ENTHD1: variants seen among roughly 807,000 people sequenced by gnomAD.
ENTHD1 encodes ENTH domain containing 1.
In ENTHD1, 23 loss-of-function variants were observed where a neutral mutation model predicts 39.1. That is an observed-to-expected ratio of 0.59 (90% CI 0.42 to 0.83). ENTHD1 has a LOEUF of 0.83. Ranked by LOEUF, ENTHD1 falls within the 40% of genes least tolerant of loss-of-function variation. The pLI is 0.00. For missense variants in ENTHD1, 624 were observed against 705.4 expected (o/e 0.88, Z 1.31); for synonymous variants, 230 against 258.2 (o/e 0.89, Z 1.05).
intron 2 of ENTHD1, among the ~76,000 whole-genome samples, chr22:39,871,038 G>A (rs2066238015): frequency 1.3e-5 from 2 of 151,868 alleles, no homozygotes; most frequent in African/African-American, 4.8e-5. Flanking sequence ...AAGAAAATTA[G>A]CTAGTCATGG....
chr22:39,853,801 C>G (rs2066063411), intron 3 of ENTHD1, among the ~76,000 whole-genome samples: 1 of 152,176 alleles, frequency 6.6e-6, no homozygotes, highest in Non-Finnish European at 1.5e-5. Context: ...TCTTGAACTC[C>G]TGGCCTCAGG....
intron 5 of ENTHD1, among the ~76,000 whole-genome samples, chr22:39,817,604 T>C (rs893461372): frequency 4.6e-5 from 7 of 152,134 alleles, no homozygotes; most frequent in Non-Finnish European, 1.0e-4. Flanking sequence ...GGGGACTGTG[T>C]TGGGGTAAGG....
intron 3 of ENTHD1, among the ~76,000 whole-genome samples, chr22:39,855,132 C>T (rs1156652864): frequency 6.6e-6 from 1 of 152,208 alleles, no homozygotes; most frequent in Non-Finnish European, 1.5e-5. Flanking sequence ...CAATTTGTAT[C>T]TCCTTCATTT....
At chr22:39,795,115 CTTGATCATGGTATATTATCTTT>C (rs955391198) in intron 5 of ENTHD1, among the ~76,000 whole-genome samples, 4 of 152,110 alleles carry the variant, frequency 2.6e-5, no homozygotes, top group African/African-American at 7.2e-5. Context: ...ATAAATTCTA[CTTGATCATGGTATATTATCTTT>C]TTGATGTGCT....
chr22:39,795,409 C>CT lies in ENTHD1; in HGVS notation c.832+25583dup, dbSNP rs571737142. ...TCCTGGGCTTTTCTTTATTAGAAGG[C>CT]TTTTTTTTTTCTTTTTTCTTTTTTT... On this transcript the variant is annotated intron_variant, in intron 5 of 6. Coordinates refer to ENST00000325157, the MANE Select transcript of ENTHD1 (RefSeq NM_152512.4). Among the ~76,000 whole-genome samples the CT allele has an allele frequency of 4.1e-4, 60 of 147,168 alleles. No homozygotes were observed. In the South Asian group the frequency reaches 4.2e-3, roughly 10 times the overall value.
chr22:39,829,684 G>C lies in ENTHD1; in HGVS notation c.711+6156C>G, dbSNP rs577783885. On this transcript the variant is annotated intron_variant, in intron 4 of 6. Transcript: ENST00000325157. ...CAGGCGCCTATAGTACCAGCTACTT[G>C]GAGGGCTGAGGCAGGACAATCACTT... 3.3e-5 allele frequency among the ~76,000 whole-genome samples: 5 copies of C among 151,984 alleles called. 1 individual carries two copies. The East Asian group carries it at 9.7e-4, about 29-fold the overall frequency.
intron 6 of ENTHD1, among the ~76,000 whole-genome samples, chr22:39,763,492 G>A (rs1299795213): frequency 1.3e-5 from 2 of 152,144 alleles, no homozygotes; most frequent in Non-Finnish European, 2.9e-5. Context: ...ACTGCGGAAA[G>A]CCTACGCCTC....
intron 5 of ENTHD1, among the ~76,000 whole-genome samples, chr22:39,780,980 C>T (rs936673885): frequency 6.7e-5 from 10 of 148,704 alleles, no homozygotes; most frequent in African/African-American, 2.5e-4. Flanking sequence ...GCCTGGGCAA[C>T]AGAGCGAGAC....
At chr22:39,843,533 C>T (rs189140967) in intron 3 of ENTHD1, among the ~76,000 whole-genome samples, 10 of 151,780 alleles carry the variant, frequency 6.6e-5, no homozygotes, top group Admixed American at 2.6e-4. Flanking sequence ...GTGGGTGCAG[C>T]GCACCAGCGT....
chr22:39,813,843 G>A (rs1358291259), intron 5 of ENTHD1, among the ~76,000 whole-genome samples: 1 of 152,060 alleles, frequency 6.6e-6, no homozygotes, highest in Non-Finnish European at 1.5e-5. Flanking sequence ...GGGAAAACTG[G>A]TAAGAATTAA....
intron 3 of ENTHD1, among the ~76,000 whole-genome samples, chr22:39,838,639 C>A (rs1341230334): frequency 6.6e-6 from 1 of 151,976 alleles, no homozygotes; most frequent in Non-Finnish European, 1.5e-5. Context: ...CCATATATTT[C>A]TAATAAAATT....
Position 39,779,757 on chromosome 22 carries a change from CACAT to C in ENTHD1, c.833-14152_833-14149del, listed in dbSNP as rs546846984. Reference sequence around the variant, plus strand: ...GGGTAATATAAAATATGTAAATTGACACATACAAAAGTCAAAATGTGGAGGGGAT... The same window carrying C: ...GGGTAATATAAAATATGTAAATTGACACAAAAGTCAAAATGTGGAGGGGAT... On this transcript the variant is annotated intron_variant, in intron 5 of 6. Transcript: ENST00000325157. Among the ~76,000 whole-genome samples, 552 of 152,212 alleles carry C rather than the reference CACAT, an allele frequency of 3.6e-3. 5 individuals carry two copies. Among genetic ancestry groups the C allele is most frequent in the African/African-American group, 0.012 (486 of 41,538 alleles).
chr22:39,879,297 C>A (rs1189680339), intron 2 of ENTHD1, among the ~76,000 whole-genome samples: 1 of 150,958 alleles, frequency 6.6e-6, no homozygotes, highest in East Asian at 1.9e-4. Context: ...CCCATCTCTA[C>A]TAAAAAATAA....
intron 3 of ENTHD1, among the ~76,000 whole-genome samples, chr22:39,857,059 C>T (rs1029924021): frequency 3.9e-5 from 6 of 152,070 alleles, no homozygotes; most frequent in Non-Finnish European, 7.3e-5. Context: ...AAAGTGGATT[C>T]ACTTTTTTAA....
intron 3 of ENTHD1, among the ~76,000 whole-genome samples, chr22:39,839,012 G>A (rs1268693360): frequency 6.6e-6 from 1 of 151,958 alleles, no homozygotes; most frequent in Non-Finnish European, 1.5e-5. Flanking sequence ...TTAAAAGATG[G>A]ATATAACTTA....
At chr22:39,851,534 G>A (rs1324721196) in intron 3 of ENTHD1, among the ~76,000 whole-genome samples, 7 of 152,048 alleles carry the variant, frequency 4.6e-5, no homozygotes, top group Non-Finnish European at 2.9e-5. Flanking sequence ...TGGATTTTGA[G>A]CTCATTGCTT....
At chr22:39,780,773 C>T (rs1033763722) in intron 5 of ENTHD1, among the ~76,000 whole-genome samples, 2 of 152,126 alleles carry the variant, frequency 1.3e-5, no homozygotes, top group Admixed American at 6.5e-5. Context: ...CCAGGGCAGG[C>T]ACATCATGAG....
At chr22:39,804,616 T>TAC (rs2065626487) in intron 5 of ENTHD1, among the ~76,000 whole-genome samples, 1 of 152,150 alleles carries the variant, frequency 6.6e-6, no homozygotes, top group Non-Finnish European at 1.5e-5. Flanking sequence ...ATTCAAAGTC[T>TAC]ACTATGTGCT....
At position 39,838,938 on chromosome 22, in the gene ENTHD1, T is replaced by A. The variant is rs546694816; in HGVS notation, c.593-2980A>T. On this transcript the variant is annotated intron_variant, in intron 3 of 6. Coordinates refer to ENST00000325157, the MANE Select transcript of ENTHD1 (RefSeq NM_152512.4). ...TTCTAACAGTTAAGGACTTCATGTATTTTTTTTTAAATGAATGACTACAGT... is the reference window on the plus strand; with the variant it reads ...TTCTAACAGTTAAGGACTTCATGTAATTTTTTTTAAATGAATGACTACAGT... 1.3e-3 allele frequency among the ~76,000 whole-genome samples: 191 copies of A among 151,052 alleles called. 2 individuals are homozygous for A. The highest frequency in any genetic ancestry group is 1.8e-3 in the Non-Finnish European group (119 of 67,562).
Sources: gnomAD v4.1 joint callset for allele counts (sites outside exome capture counted in the v4.1 genomes callset) on GRCh38, gnomAD v4.1.1 for gene constraint, MANE v1.5 for transcripts, NCBI Gene and HGNC (gene_info 2026-07-23, HGNC 2026-07-21) for gene names.